The following PRKN variants were observed in gnomAD, a reference collection of about 807,000 sequenced individuals.
PRKN encodes the protein E3 ubiquitin-protein ligase parkin.
In PRKN, 56 loss-of-function variants were observed where a neutral mutation model predicts 59.5. The observed-to-expected ratio is 0.94, with a 90% CI of 0.76 to 1.18. PRKN has a LOEUF of 1.18. Ranked by LOEUF, PRKN falls within the 50% of genes most tolerant of loss-of-function variation. The pLI, the probability that PRKN is intolerant of heterozygous loss-of-function variation, is 0.00. For missense variants in PRKN, 657 were observed against 596.4 expected (o/e 1.10, Z -1.06); for synonymous variants, 250 against 222.1 (o/e 1.13, Z -1.12).
chr6:162,334,639 C>A (rs1242244515), intron 2 of PRKN, among the ~76,000 whole-genome samples: 1 of 152,240 alleles, frequency 6.6e-6, no homozygotes, highest in East Asian at 1.9e-4. Context: ...ATTCTGCATC[C>A]CATGGATTAA....
chr6:162,203,625 A>T (rs1784824010), intron 3 of PRKN, among the ~76,000 whole-genome samples: 1 of 152,210 alleles, frequency 6.6e-6, no homozygotes. Context: ...GCCTGGCTGA[A>T]GGGCCTAAAG....
intron 4 of PRKN, among the ~76,000 whole-genome samples, chr6:162,104,521 G>A (rs1780108371): frequency 6.6e-6 from 1 of 152,112 alleles, no homozygotes; most frequent in Non-Finnish European, 1.5e-5. Context: ...TTAATGGAAG[G>A]TACATGAAAG....
At chr6:161,482,841 A>C (rs1305543510) in intron 9 of PRKN, among the ~76,000 whole-genome samples, 1 of 152,244 alleles carries the variant, frequency 6.6e-6, no homozygotes, top group Non-Finnish European at 1.5e-5. Context: ...TTTGGTATTA[A>C]AACAAAAGGC....
intron 6 of PRKN, among the ~76,000 whole-genome samples, chr6:161,924,771 A>G (rs982655100): frequency 2.0e-5 from 3 of 152,226 alleles, no homozygotes; most frequent in African/African-American, 7.2e-5. Context: ...AATTGTTCTG[A>G]GCAGTTTCTC....
At chr6:161,978,272 ACTCCAGAC>A (rs1781129993) in intron 5 of PRKN, among the ~76,000 whole-genome samples, 1 of 151,712 alleles carries the variant, frequency 6.6e-6, no homozygotes, top group African/African-American at 2.4e-5. Flanking sequence ...CTGATGTCAA[ACTCCAGAC>A]CTCAGGTGAT....
intron 7 of PRKN, among the ~76,000 whole-genome samples, chr6:161,600,546 CTAGT>C (rs1004926889): frequency 3.9e-4 from 59 of 152,276 alleles, no homozygotes; most frequent in African/African-American, 1.1e-3. Flanking sequence ...CCAGACAGTA[CTAGT>C]TAGTTAGTTA....
In PRKN at chr6:161,363,165, C is replaced by G. The variant is rs750376547; in HGVS notation, c.1168-2960G>C. ...GCTGAGGCAGGAGAAGTACCTGAAC[C>G]TGGGGGGCAGAGGTTGCAGTGAGCC... is the stretch of plus-strand genomic sequence containing the variant. On this transcript the variant is annotated intron_variant, in intron 10 of 11. Coordinates refer to ENST00000366898, the MANE Select transcript of PRKN (RefSeq NM_004562.3). This position sits in a 1 kb window ranked among gnomAD's most constrained non-coding sequence, Gnocchi z 4.1. Among the ~76,000 whole-genome samples, 51 of 152,144 alleles carry G rather than the reference C, an allele frequency of 3.4e-4. No individual in the cohort carries two copies. The highest frequency in any genetic ancestry group is 4.7e-4 in the Non-Finnish European group (32 of 68,026).
At chr6:162,255,254 G>A (rs1200818823) in intron 3 of PRKN, among the ~76,000 whole-genome samples, 1 of 152,112 alleles carries the variant, frequency 6.6e-6, no homozygotes, top group Non-Finnish European at 1.5e-5. Context: ...GTATTTTAGA[G>A]CCTGAGCACA....
chr6:162,517,905 G>A (rs553846596), intron 1 of PRKN, among the ~76,000 whole-genome samples: 3 of 152,156 alleles, frequency 2.0e-5, no homozygotes, highest in South Asian at 2.1e-4. Flanking sequence ...AAAAATGTAC[G>A]GTAGTTATTC....
intron 4 of PRKN, among the ~76,000 whole-genome samples, chr6:162,075,901 A>G (rs1290441160): frequency 6.6e-6 from 1 of 151,390 alleles, no homozygotes; most frequent in Non-Finnish European, 1.5e-5. Flanking sequence ...CATTGTGGGC[A>G]GGGGTTCCTA....
intron 7 of PRKN, among the ~76,000 whole-genome samples, chr6:161,668,582 G>A (rs1784802761): frequency 6.6e-6 from 1 of 152,126 alleles, no homozygotes; most frequent in Non-Finnish European, 1.5e-5. Flanking sequence ...AAGATATTAA[G>A]CTCCATTAAT....
At chr6:161,940,079 A>G (rs1031479451) in intron 6 of PRKN, among the ~76,000 whole-genome samples, 26 of 152,052 alleles carry the variant, frequency 1.7e-4, no homozygotes, top group African/African-American at 6.0e-4. Context: ...CATTTTTAGT[A>G]GAGACGGGGT....
rs545428842 is a variant in PRKN at position 162,332,980 on chromosome 6, C to G, written c.172-70215G>C. On this transcript the variant is annotated intron_variant, in intron 2 of 11. Transcript: ENST00000366898. ...TTTACCCTGCACAGGGCTCTACATG[C>G]TGCTATTTGAAAGACCAGTAGCAGA... is the stretch of plus-strand genomic sequence containing the variant. Among the ~76,000 whole-genome samples, 301 of 152,272 alleles carry G rather than the reference C, an allele frequency of 2.0e-3. 2 individuals are homozygous for G. The highest frequency in any genetic ancestry group is 7.0e-3 in the African/African-American group (292 of 41,544).
Position 161,498,182 on chromosome 6 carries a change from T to C in PRKN, c.1083+50672A>G, listed in dbSNP as rs12191995. On this transcript the variant is annotated intron_variant, in intron 9 of 11. Transcript: ENST00000366898. This position sits in a 1 kb window ranked among gnomAD's most constrained non-coding sequence, Gnocchi z 4.2. ...TTTCTAACCTATACTATTCATAATT[T>C]AGCTGATAGAAACCTCTGCTCACCA... Among the ~76,000 whole-genome samples, 25,119 of 152,222 alleles carry C rather than the reference T, an allele frequency of 0.17. 2,446 individuals carry two copies. The highest frequency in any genetic ancestry group is 0.3 in the Middle Eastern group (87 of 294).
chr6:162,668,738 ATG>A (rs776760552), intron 1 of PRKN, among the ~76,000 whole-genome samples: 12 of 152,160 alleles, frequency 7.9e-5, no homozygotes, highest in Non-Finnish European at 1.3e-4. Context: ...TGTGGCCTCG[ATG>A]AGTGGGTGTG....
chr6:162,493,717 G>C (rs762535749), intron 1 of PRKN, among the ~76,000 whole-genome samples: 1 of 152,152 alleles, frequency 6.6e-6, no homozygotes, highest in Non-Finnish European at 1.5e-5. Flanking sequence ...TGACGAAAGC[G>C]TCCATGCATG....
rs1418679935 is a variant in PRKN, at chr6:161,593,790, G to A, written c.872-24374C>T. The stretch of plus-strand genomic sequence containing the variant: ...TTGTAGCCAAGAGAAGAAGGTGAGT[G>A]TTTGGAGAGTAGAGAGTGACACACC... On this transcript the variant is annotated intron_variant, in intron 7 of 11. Transcript: ENST00000366898. This position sits in a 1 kb window ranked among gnomAD's most constrained non-coding sequence, Gnocchi z 4.8. 6.6e-6 allele frequency among the ~76,000 whole-genome samples: 1 copy of A among 152,158 alleles called. No individual in the cohort carries two copies.
chr6:162,245,445 TTAAG>T lies in PRKN; in HGVS notation c.412+17076_412+17079del, dbSNP rs987163514. Among the ~76,000 whole-genome samples the T allele has an allele frequency of 1.3e-3, 197 of 152,128 alleles. 1 individual carries two copies. The highest frequency in any genetic ancestry group is 4.3e-3 in the African/African-American group (178 of 41,544). ...TTTATACAGCTTGCTGCTTCTCACA[TTAAG>T]TAATAGGTTGAAGAAAATTTTTGAC... On this transcript the variant is annotated intron_variant, in intron 3 of 11. Coordinates refer to ENST00000366898, the MANE Select transcript of PRKN (RefSeq NM_004562.3).
At chr6:161,572,553 G>C (rs988379985) in intron 7 of PRKN, among the ~76,000 whole-genome samples, 2 of 152,114 alleles carry the variant, frequency 1.3e-5, no homozygotes, top group Non-Finnish European at 2.9e-5. Context: ...CCAGCTACTT[G>C]TGAGGCTGAG....
Sources: gnomAD v4.1 joint callset for allele counts (sites outside exome capture counted in the v4.1 genomes callset) on GRCh38, gnomAD v4.1.1 for gene constraint, Gnocchi (gnomAD v3.1) non-coding constraint, MANE v1.5 for transcripts, NCBI Gene and HGNC (gene_info 2026-07-23, HGNC 2026-07-21) for gene names.